CAMTA1: variants seen among roughly 807,000 people sequenced by gnomAD.
CAMTA1 encodes the protein calmodulin binding transcription activator 1.
A neutral mutation model predicts 170.9 loss-of-function variants in CAMTA1; 27 were observed. The ratio of observed to expected loss-of-function variants is 0.16; its 90% CI spans 0.12 to 0.22. CAMTA1 has a LOEUF of 0.22. Ranked by LOEUF, CAMTA1 falls within the 10% of genes least tolerant of loss-of-function variation. The probability of loss-of-function intolerance (pLI) is 1.00; values close to 1 mark genes in which losing one functional copy is unlikely to be tolerated. For missense variants in CAMTA1, 1,619 were observed against 2,217.2 expected (o/e 0.73, Z 5.42); for synonymous variants, 833 against 891.5 (o/e 0.93, Z 1.17).
In CAMTA1 at chr1:7,093,913, A is replaced by G. The variant is rs1010806; in HGVS notation, c.302+2542A>G. ...AGAAAATGGAGTTGCTGTTGATCCC[A>G]CCCTTGCTGGGTCACGATGAGGATT... is the stretch of plus-strand genomic sequence containing the variant. On this transcript the variant is annotated intron_variant, in intron 4 of 22. Transcript: ENST00000303635. This position sits in a 1 kb window ranked among gnomAD's most constrained non-coding sequence, Gnocchi z 4.6. 0.63 allele frequency among the ~76,000 whole-genome samples: 95,879 copies of G among 152,020 alleles called. 30,528 individuals carry two copies. Among genetic ancestry groups the G allele is most frequent in the Middle Eastern group, 0.72 (212 of 294 alleles).
chr1:7,610,875 G>C (rs917489750), intron 6 of CAMTA1, among the ~76,000 whole-genome samples: 3 of 152,238 alleles, frequency 2.0e-5, no homozygotes, highest in African/African-American at 7.2e-5. Context: ...TGAACCTCAA[G>C]AAAGCAGCAT....
At chr1:6,959,339 C>T (rs1689989310) in intron 3 of CAMTA1, among the ~76,000 whole-genome samples, 3 of 152,154 alleles carry the variant, frequency 2.0e-5, no homozygotes, top group South Asian at 2.1e-4. Context: ...CCATAGGACA[C>T]GGGGACACTG....
intron 3 of CAMTA1, among the ~76,000 whole-genome samples, chr1:6,855,072 A>G (rs1322471830): frequency 1.3e-5 from 2 of 152,230 alleles, no homozygotes; most frequent in Admixed American, 6.5e-5. Context: ...GTGATTTTGT[A>G]GATGACATGA....
intron 5 of CAMTA1, among the ~76,000 whole-genome samples, chr1:7,308,605 G>T (rs542406948): frequency 6.6e-6 from 1 of 152,216 alleles, no homozygotes; most frequent in East Asian, 1.9e-4. Context: ...GGGCTATTTA[G>T]AGAGTTTTCA....
chr1:7,712,368 C>T (rs1396273229), intron 11 of CAMTA1, among the ~76,000 whole-genome samples: 4 of 151,776 alleles, frequency 2.6e-5, no homozygotes, highest in South Asian at 2.1e-4. Context: ...ATGCCCAGGC[C>T]GAAGTGTAGT....
chr1:7,344,163 T>G (rs2084047461), intron 5 of CAMTA1, among the ~76,000 whole-genome samples: 1 of 152,182 alleles, frequency 6.6e-6, no homozygotes, highest in South Asian at 2.1e-4. Context: ...TGAGATGAGA[T>G]GATTGAGGGC....
At chr1:6,875,349 T>TG (rs1359413743) in intron 3 of CAMTA1, among the ~76,000 whole-genome samples, 1 of 152,162 alleles carries the variant, frequency 6.6e-6, no homozygotes, top group Non-Finnish European at 1.5e-5. Flanking sequence ...CTGAGTGCAG[T>TG]GGCGCGATCT....
intron 3 of CAMTA1, among the ~76,000 whole-genome samples, chr1:6,867,134 C>T (rs1666828659): frequency 6.6e-6 from 1 of 152,228 alleles, no homozygotes; most frequent in African/African-American, 2.4e-5. Context: ...CATCTGTATA[C>T]ACCGCACAAC....
intron 11 of CAMTA1, among the ~76,000 whole-genome samples, chr1:7,692,543 ATGAG>A (rs774455360): frequency 3.9e-5 from 6 of 152,244 alleles, no homozygotes; most frequent in South Asian, 4.1e-4. Context: ...GAATGAATGA[ATGAG>A]TGAGTAGGTG....
intron 6 of CAMTA1, among the ~76,000 whole-genome samples, chr1:7,478,488 G>T (rs2093460453): frequency 6.6e-6 from 1 of 152,234 alleles, no homozygotes; most frequent in African/African-American, 2.4e-5. Context: ...CTTAGGGACT[G>T]GGCTGCCCAG....
chr1:7,533,901 G>C (rs1045006028), intron 6 of CAMTA1, among the ~76,000 whole-genome samples: 1 of 151,964 alleles, frequency 6.6e-6, no homozygotes, highest in African/African-American at 2.4e-5. Flanking sequence ...ATGACAGAGC[G>C]AGACCTTGTC....
intron 5 of CAMTA1, among the ~76,000 whole-genome samples, chr1:7,270,270 C>CAT (rs1158164313): frequency 2.8e-3 from 113 of 40,460 alleles, no homozygotes; most frequent in African/African-American, 9.2e-3. Flanking sequence ...CACACACACA[C>CAT]ACACATATAT....
intron 4 of CAMTA1, among the ~76,000 whole-genome samples, chr1:7,202,249 G>A (rs564260877): frequency 2.2e-4 from 33 of 152,262 alleles, no homozygotes; most frequent in Admixed American, 2.0e-3. Context: ...TGATCTGTAC[G>A]TCTCCTTTGT....
intron 3 of CAMTA1, among the ~76,000 whole-genome samples, chr1:7,009,040 C>T (rs758427287): frequency 2.6e-5 from 4 of 152,218 alleles, no homozygotes; most frequent in East Asian, 1.9e-4. Flanking sequence ...GGAGGGTCAG[C>T]GGCCATGCCC....
At chr1:7,209,571 T>A (rs1658390903) in intron 4 of CAMTA1, among the ~76,000 whole-genome samples, 1 of 152,116 alleles carries the variant, frequency 6.6e-6, no homozygotes, top group Admixed American at 6.5e-5. Flanking sequence ...TCAGCAACAA[T>A]CTGTTGGAAT....
In CAMTA1 at chr1:7,680,878, A is replaced by G. The variant is rs1301994025; in HGVS notation, c.2914+3145A>G. Among the ~76,000 whole-genome samples the G allele has an allele frequency of 6.7e-6, 1 of 148,978 alleles. No individual in the cohort carries two copies. Among genetic ancestry groups the G allele is most frequent in the Non-Finnish European group, 1.5e-5 (1 of 66,862 alleles). ...CGCGCGCGCCAGCAGCAGCAGCAGC[A>G]GCAGCTGCTGCGGCGAAGTCTTTGT... On this transcript the variant is annotated intron_variant, in intron 11 of 22. Coordinates refer to ENST00000303635, the MANE Select transcript of CAMTA1 (RefSeq NM_015215.4). The surrounding 1 kb of genome is among the most constrained non-coding windows in gnomAD (Gnocchi z 4.4).
At chr1:7,437,638 C>A (rs1421866002) in intron 5 of CAMTA1, among the ~76,000 whole-genome samples, 1 of 152,172 alleles carries the variant, frequency 6.6e-6, no homozygotes, top group East Asian at 1.9e-4. Flanking sequence ...ACATTCAATC[C>A]ATAACCGGGG....
chr1:7,648,436 C>G (rs2149007567), intron 7 of CAMTA1, among the ~76,000 whole-genome samples: 1 of 151,660 alleles, frequency 6.6e-6, no homozygotes, highest in African/African-American at 2.4e-5. Context: ...GCTGCAAAAA[C>G]TTTTCCCCCA....
At position 7,465,579 on chromosome 1, in the gene CAMTA1, G is replaced by C. The variant is rs116306104; in HGVS notation, c.439-2251G>C. On this transcript the variant is annotated intron_variant, in intron 5 of 22. Transcript: ENST00000303635. ...GGAGTGAGGGCCCGAGGGTTCCTCT[G>C]ATTCAAATGAGTGAGCCTTGATGTA... is the stretch of plus-strand genomic sequence containing the variant. 9.2e-4 allele frequency among the ~76,000 whole-genome samples: 140 copies of C among 152,328 alleles called. 1 individual carries two copies. The highest frequency in any genetic ancestry group is 1.5e-3 in the Non-Finnish European group (99 of 68,030).
Sources: allele counts gnomAD v4.1 joint callset (sites outside exome capture counted in the v4.1 genomes callset), GRCh38; gene constraint gnomAD v4.1.1; non-coding constraint Gnocchi (gnomAD v3.1); transcripts MANE v1.5; gene names NCBI Gene and HGNC (gene_info 2026-07-23, HGNC 2026-07-21).